Variants in ZNF594 observed in about 807,000 individuals in gnomAD.
The protein encoded by ZNF594 is zinc finger protein HZF18.
For synonymous variants in ZNF594, 336 were observed against 309.4 expected (o/e 1.09, Z -0.90); for missense variants, 1,037 against 964.6 (o/e 1.08, Z -0.99).
chr17:5,185,143 G>A (rs915365912), intron 1 of ZNF594, among the ~76,000 whole-genome samples: 1 of 152,152 alleles, frequency 6.6e-6, no homozygotes, highest in Non-Finnish European at 1.5e-5. Flanking sequence ...GAGGGTCCAC[G>A]TTATCAAATC....
intron 1 of ZNF594, among the ~76,000 whole-genome samples, chr17:5,185,875 C>T (rs2074382719): frequency 6.6e-6 from 1 of 152,222 alleles, no homozygotes; most frequent in Non-Finnish European, 1.5e-5. Flanking sequence ...CCAGGTCTCA[C>T]ATCCAGGTCA....
At chr17:5,189,908 T>C (rs2074410383) in intron 1 of ZNF594, among the ~76,000 whole-genome samples, 1 of 152,156 alleles carries the variant, frequency 6.6e-6, no homozygotes, top group Admixed American at 6.6e-5. Context: ...TAAAAAGCAT[T>C]ATGTAGATGA....
rs2074337883 is a variant in ZNF594 at position 5,181,285 on chromosome 17, T to C, written c.*548A>G. 1.9e-6 allele frequency: 3 copies of C among 1,612,682 alleles called. No individual in the cohort carries two copies. Among genetic ancestry groups the C allele is most frequent in the Non-Finnish European group, 2.5e-6 (3 of 1,178,774 alleles). ...TGTCTCAGAAGGTCTGAGCTCTGAT[T>C]GAAAGTTTTCCCACATTCTTTACAT... On this transcript the variant is annotated 3_prime_UTR_variant, in exon 2 of 2. Transcript: ENST00000575779.
At chr17:5,174,360 C>T in the ZNF594 span, 2 of 190,828 alleles carry the variant, frequency 1.0e-5, no homozygotes, top group African/African-American at 2.3e-5. Context: ...ATTACCCTTT[C>T]TTCCTCATAG....
downstream of ZNF594, among the ~76,000 whole-genome samples, chr17:5,178,102 G>A (rs1164733628): frequency 1.4e-5 from 2 of 142,086 alleles, no homozygotes; most frequent in Non-Finnish European, 3.0e-5. Flanking sequence ...GCATTACTTT[G>A]ACACCACAAT....
intron 1 of ZNF594, among the ~76,000 whole-genome samples, chr17:5,185,001 A>G (rs188200613): frequency 3.3e-5 from 5 of 152,348 alleles, no homozygotes; most frequent in South Asian, 2.1e-4. Context: ...TTTGGCTGTC[A>G]TTTCAATAGA....
chr17:5,182,922 T>C lies in ZNF594; in HGVS notation c.1335A>G (p.Ser445=). 4.3e-6 allele frequency: 7 copies of C among 1,614,118 alleles called. No individual in the cohort carries two copies. Among genetic ancestry groups the C allele is most frequent in the Non-Finnish European group, 5.9e-6 (7 of 1,180,020 alleles). Residue 445 remains serine (S), a synonymous_variant, in exon 2 of 2, where the codon TCA becomes TCG. Coordinates refer to ENST00000575779, the MANE Select transcript of ZNF594 (RefSeq NM_032530.2). ...SKCGKSFRGS[S]DLIRHHRVHT... is the part of the protein sequence containing the mutation. ...GAACACGATGGTGTCTAATAAGATC[T>C]GAGCTGCCCCTAAAAGATTTCCCAC... is the stretch of plus-strand genomic sequence containing the variant.
chr17:5,175,750 C>T (rs1273540448), downstream of ZNF594, among the ~76,000 whole-genome samples: 1 of 152,028 alleles, frequency 6.6e-6, no homozygotes, highest in Non-Finnish European at 1.5e-5. Flanking sequence ...CTAGCGGGCA[C>T]CGAGAAACCA....
Position 5,181,246 on chromosome 17 carries a change from T to C in ZNF594, c.*587A>G, listed in dbSNP as rs1167250739. ...TTGCATACATAAGGTTTTTCTCCAC[T>C]GTGAATTCTATGATGTCTCAGAAGG... On this transcript the variant is annotated 3_prime_UTR_variant, in exon 2 of 2. Transcript: ENST00000575779. The C allele has an allele frequency of 1.9e-6, 3 of 1,612,338 alleles. No individual in the cohort carries two copies. Among genetic ancestry groups the C allele is most frequent in the Non-Finnish European group, 2.5e-6 (3 of 1,178,454 alleles).
Position 5,182,725 on chromosome 17 carries a change from C to T in ZNF594, c.1532G>A (p.Ser511Asn). The change falls in exon 2 of 2, where the codon AGT becomes AAT. Residue 511 changes from serine (S) to asparagine (N), a missense_variant. Transcript: ENST00000575779. ...CTTACATTCATAGGGTTTCTCACCACTATGAATTCTCCGATGTTGAATAAG... is the reference window on the plus strand; with the variant it reads ...CTTACATTCATAGGGTTTCTCACCATTATGAATTCTCCGATGTTGAATAAG... ...SLLIQHRRIH[S>N]GEKPYECKEC... 1 of 1,613,966 alleles carries T rather than the reference C, an allele frequency of 6.2e-7. No homozygotes were observed. The highest frequency in any genetic ancestry group is 1.3e-5 in the African/African-American group (1 of 74,982).
Position 5,180,063 on chromosome 17 carries a change from CTT to C in ZNF594, c.*1768_*1769del, listed in dbSNP as rs763617605. ...TGTAAAGACAAGCAGAAGAGTTAGACTTTTTTTTTTTTTTGAGATGGAGTTTC... is the reference window on the plus strand; with the variant it reads ...TGTAAAGACAAGCAGAAGAGTTAGACTTTTTTTTTTTTGAGATGGAGTTTC... On this transcript the variant is annotated 3_prime_UTR_variant, in exon 2 of 2. Coordinates refer to ENST00000575779, the MANE Select transcript of ZNF594 (RefSeq NM_032530.2). 1.2e-4 allele frequency: 17 copies of C among 140,708 alleles called. No homozygotes were observed. The highest frequency in any genetic ancestry group is 1.1e-4 in the Non-Finnish European group (7 of 64,304). 8.7% of individuals were successfully genotyped at this position (140,708 alleles called of 1,614,324 possible).
In ZNF594 at chr17:5,182,888, C is replaced by G; in HGVS notation, c.1369G>C (p.Glu457Gln). Residue 457 changes from glutamate to glutamine, a missense_variant, in exon 2 of 2, where the codon GAG becomes CAG. By Grantham distance (29) the Glu-to-Gln change is conservative. Transcript: ENST00000575779. ...LIRHHRVHTGEKPYECSECGK... is the reference protein window; with the variant it reads ...LIRHHRVHTGQKPYECSECGK... ...CATTCACTACATTCATAGGGTTTCT[C>G]TCCAGTATGAACACGATGGTGTCTA... is the stretch of plus-strand genomic sequence containing the variant. 6.2e-7 allele frequency: 1 copy of G among 1,614,132 alleles called. No individual in the cohort carries two copies. Among genetic ancestry groups the G allele is most frequent in the Non-Finnish European group, 8.5e-7 (1 of 1,180,026 alleles).
At chr17:5,177,142 G>A (rs2074313093), downstream of ZNF594, among the ~76,000 whole-genome samples, 1 of 151,020 alleles carries the variant, frequency 6.6e-6, no homozygotes. Context: ...CTTGCAGTGA[G>A]CCGAGATCGC....
rs535384200 is a variant in ZNF594 at position 5,189,016 on chromosome 17, G to A, written c.-21+2732C>T. Reference sequence around the variant, plus strand: ...CCCGCCTTGGCCTCCCAAAGTGCTGGGATTACAGGGGTGAGCCACCACGCC... The same window carrying A: ...CCCGCCTTGGCCTCCCAAAGTGCTGAGATTACAGGGGTGAGCCACCACGCC... On this transcript the variant is annotated intron_variant, in intron 1 of 1. Coordinates refer to ENST00000575779, the MANE Select transcript of ZNF594 (RefSeq NM_032530.2). 2.0e-5 allele frequency among the ~76,000 whole-genome samples: 3 copies of A among 151,418 alleles called. No homozygotes were observed. The South Asian group carries it at 6.2e-4, about 31-fold the overall frequency.
intron 1 of ZNF594, among the ~76,000 whole-genome samples, chr17:5,190,983 T>C (rs1015897111): frequency 6.6e-6 from 1 of 152,232 alleles, no homozygotes; most frequent in Non-Finnish European, 1.5e-5. Flanking sequence ...GTTTATATTT[T>C]GTAACTGCAT....
intron 1 of ZNF594, among the ~76,000 whole-genome samples, chr17:5,186,403 T>C (rs575657096): frequency 6.6e-6 from 1 of 152,320 alleles, no homozygotes; most frequent in South Asian, 2.1e-4. Context: ...ACCAAGTCCC[T>C]AGGCTGGACA....
chr17:5,189,301 G>A (rs568969642), intron 1 of ZNF594, among the ~76,000 whole-genome samples: 42 of 149,706 alleles, frequency 2.8e-4, no homozygotes, highest in African/African-American at 9.9e-4. Flanking sequence ...AGGCTGGAGT[G>A]CAGTGGTGTA....
chr17:5,191,282 C>T (rs963020894), intron 1 of ZNF594: 1 of 152,244 alleles, frequency 6.6e-6, no homozygotes, highest in Admixed American at 6.5e-5. Context: ...AAATCCCTCC[C>T]TTGTTTGAAC....
At chr17:5,189,668 C>T (rs1180314085) in intron 1 of ZNF594, among the ~76,000 whole-genome samples, 4 of 152,004 alleles carry the variant, frequency 2.6e-5, no homozygotes, top group Non-Finnish European at 5.9e-5. Context: ...ACACCATAGG[C>T]ACACCACCAT....
Sources: gnomAD v4.1 joint callset for allele counts (sites outside exome capture counted in the v4.1 genomes callset) on GRCh38, gnomAD v4.1.1 for gene constraint, MANE v1.5 for transcripts, NCBI Gene and HGNC (gene_info 2026-07-23, HGNC 2026-07-21) for gene names.